LRCH2: variants seen among roughly 807,000 people sequenced by gnomAD.
LRCH2 encodes the protein leucine-rich repeat and calponin homology domain-containing protein 2.
In LRCH2, 38 loss-of-function variants were observed where a neutral mutation model predicts 68.9. That is an observed-to-expected ratio of 0.55 (90% confidence interval 0.43 to 0.72). The LOEUF (loss-of-function observed/expected upper bound fraction) is 0.72. Among genes scored for constraint, LRCH2 ranks in the 30% least tolerant of loss-of-function variants. The pLI is 0.00. For missense variants in LRCH2, 528 were observed against 572.9 expected, an observed-to-expected ratio of 0.92 and a Z score of 0.80; for synonymous variants, 191 against 208.1, an observed-to-expected ratio of 0.92 and a Z score of 0.71.
intron 5 of LRCH2, 54 bp from the exon 6 acceptor site, chrX:115,170,486 T>C: frequency 2.1e-6 from 2 of 951,505 alleles, no homozygotes; most frequent in Non-Finnish European, 2.7e-6. Flanking sequence ...AAATGACATC[T>C]ATCATTTTAA....
chrX:115,113,073 T>A lies in LRCH2; in HGVS notation c.*143A>T, dbSNP rs972837107. ...CGGGCAATTCAATGTTTAAGTTTGA[T>A]GTTTCAATGTAATTTTTTTAAAATC... On this transcript the variant is annotated 3_prime_UTR_variant, in exon 21 of 21. Transcript: ENST00000317135. 2.2e-6 allele frequency: 1 copy of A among 449,154 alleles called. No individual in the cohort carries two copies. Among genetic ancestry groups the A allele is most frequent in the South Asian group, 1.0e-4 (1 of 9,596 alleles). 37.0% of individuals were successfully genotyped at this position (449,154 alleles called of 1,213,427 possible).
intron 11 of LRCH2, among the ~76,000 whole-genome samples, chrX:115,159,427 A>G (rs1414515475): frequency 1.5e-4 from 17 of 110,486 alleles, no homozygotes; most frequent in African/African-American, 5.3e-4. Flanking sequence ...ATATTTTGAC[A>G]GGGGATGATA....
At chrX:115,167,191 TAAAAAAAAAAAA>T (rs58298502) in intron 6 of LRCH2, among the ~76,000 whole-genome samples, 3 of 8,396 alleles carry the variant, frequency 3.6e-4, no homozygotes, top group African/African-American at 4.7e-4. Context: ...AGTTTCATGC[TAAAAAAAAAAAA>T]AAAAAAAAAA....
chrX:115,191,408 G>A, intron 1 of LRCH2: 1 of 1,156,602 alleles, frequency 8.6e-7, no homozygotes, highest in Non-Finnish European at 1.2e-6. Flanking sequence ...GGCCACGACA[G>A]TTCTGGCCAG....
chrX:115,143,461 A>T lies in LRCH2; in HGVS notation c.1695+6366T>A, dbSNP rs1345531120. Among the ~76,000 whole-genome samples, 7 of 111,712 alleles carry T rather than the reference A, an allele frequency of 6.3e-5. No individual in the cohort carries two copies. The East Asian group carries it at 2.0e-3, about 32-fold the overall frequency. On this transcript the variant is annotated intron_variant, in intron 14 of 20. Coordinates refer to ENST00000317135, the MANE Select transcript of LRCH2 (RefSeq NM_020871.4). ...AATCCAAAATGTGAACAGGCCAATAACAAGTAATGAGATCAAATCTGTAAT... is the reference window on the plus strand; with the variant it reads ...AATCCAAAATGTGAACAGGCCAATATCAAGTAATGAGATCAAATCTGTAAT...
chrX:115,177,089 C>T (rs1249116804), intron 5 of LRCH2, among the ~76,000 whole-genome samples: 1 of 87,544 alleles, frequency 1.1e-5, no homozygotes, highest in African/African-American at 4.3e-5. Flanking sequence ...CAGAGTCTCA[C>T]TCTGCTGTCT....
intron 12 of LRCH2, among the ~76,000 whole-genome samples, chrX:115,153,810 A>G (rs985197798): frequency 1.8e-5 from 2 of 111,382 alleles, no homozygotes; most frequent in African/African-American, 6.5e-5. Context: ...AAATAAACAA[A>G]AATTTTTAAA....
At chrX:115,188,141 G>T in intron 2 of LRCH2, 85 bp downstream of exon 2, 3 of 669,226 alleles carry the variant, frequency 4.5e-6, no homozygotes, top group South Asian at 8.6e-5. Flanking sequence ...AAGCTACACA[G>T]CCAAATCAAA....
intron 20 of LRCH2, among the ~76,000 whole-genome samples, chrX:115,116,481 T>C (rs1208447524): frequency 2.7e-5 from 3 of 111,161 alleles, no homozygotes; most frequent in Non-Finnish European, 5.7e-5. Flanking sequence ...GATTTCATTA[T>C]ATGTCATGTC....
chrX:115,176,071 T>G (rs1046903236), intron 5 of LRCH2, among the ~76,000 whole-genome samples: 3 of 112,010 alleles, frequency 2.7e-5, no homozygotes, highest in Non-Finnish European at 3.8e-5. Context: ...AACTGCTTGG[T>G]GGTGGGAAGA....
intron 1 of LRCH2, among the ~76,000 whole-genome samples, chrX:115,225,698 G>T (rs2073114065): frequency 9.0e-6 from 1 of 111,266 alleles, no homozygotes; most frequent in African/African-American, 3.3e-5. Flanking sequence ...CAAAACAAAT[G>T]ATTAGTATAA....
At chrX:115,209,386 T>C (rs1556569264) in intron 1 of LRCH2, among the ~76,000 whole-genome samples, 1 of 111,817 alleles carries the variant, frequency 8.9e-6, no homozygotes. Context: ...TGAATAAGTC[T>C]CACAAGATCT....
At chrX:115,113,430 T>C in intron 20 of LRCH2, 95 bp from the exon 21 acceptor site, 1 of 724,331 alleles carries the variant, frequency 1.4e-6, no homozygotes, top group Non-Finnish European at 1.9e-6. Context: ...TTCTATAAAA[T>C]GTCAAGAAAA....
chrX:115,149,852 T>G lies in LRCH2; in HGVS notation c.1670A>C (p.Lys557Thr), dbSNP rs781906428. Residue 557 changes from lysine (K) to threonine (T), a missense_variant, in exon 14 of 21, where the codon AAA (lysine) becomes ACA (threonine). By Grantham distance (78) the Lys-to-Thr change is moderately conservative (BLOSUM62 -1). Coordinates refer to ENST00000317135, the MANE Select transcript of LRCH2 (RefSeq NM_020871.4). ...CTTGAAATATTCTTTTCTAATCTGTTTGCTCCGCCTCCTTTCTTCACTCTG... is the reference window on the plus strand; with the variant it reads ...CTTGAAATATTCTTTTCTAATCTGTGTGCTCCGCCTCCTTTCTTCACTCTG... ...IWQSEERRRS[K>T]QIRKEYFKYK... The G allele has an allele frequency of 8.4e-7, 1 of 1,194,932 alleles. No individual in the cohort carries two copies. The highest frequency in any genetic ancestry group is 1.8e-5 in the South Asian group (1 of 55,584).
chrX:115,212,233 G>A (rs782172728), intron 1 of LRCH2, among the ~76,000 whole-genome samples: 26 of 111,304 alleles, frequency 2.3e-4, no homozygotes, highest in African/African-American at 3.3e-4. Context: ...TCAGTTCCCC[G>A]TACTCCCCAA....
At chrX:115,179,018 C>A (rs1262175791) in intron 5 of LRCH2, among the ~76,000 whole-genome samples, 2 of 112,156 alleles carry the variant, frequency 1.8e-5, no homozygotes, top group Non-Finnish European at 3.8e-5. Context: ...CCTCACTAAA[C>A]TAAAAGTCAT....
Position 115,233,681 on chromosome X carries a change from C to A in LRCH2, c.349+12G>T, listed in dbSNP as rs368872702. The A allele has an allele frequency of 1.4e-4, 156 of 1,129,455 alleles. No homozygotes were observed. In the Middle Eastern group the frequency reaches 1.6e-3, roughly 11 times the overall value. The allele number at this position is 1,129,455 out of a possible 1,213,427, so 93.1% of individuals were successfully genotyped here. ...CCTTCACAGCCAGCTTCCCCTCCCC[C>A]CGTCCTGTCACCTGCTTGGGTGGTG... On this transcript the variant is annotated intron_variant, in intron 1 of 20. Coordinates refer to ENST00000317135, the MANE Select transcript of LRCH2 (RefSeq NM_020871.4).
At chrX:115,130,329 T>A in intron 14 of LRCH2, 130 bp from the exon 15 acceptor site, 2 of 364,571 alleles carry the variant, frequency 5.5e-6, no homozygotes, top group Admixed American at 1.1e-4. Flanking sequence ...TTTAAGTATA[T>A]AACAGGTGTA....
rs1242636768 is a variant in LRCH2, at chrX:115,166,551, C to A, written c.999-209G>T. Among the ~76,000 whole-genome samples the A allele has an allele frequency of 2.4e-4, 27 of 111,125 alleles. No individual in the cohort carries two copies. The Admixed American group carries it at 2.6e-3, about 11-fold the overall frequency. On this transcript the variant is annotated intron_variant, in intron 6 of 20. Transcript: ENST00000317135. ...TGCAATATTGTTCCCTTCGTGTACT[C>A]TATAGTGTCAATTGTCAACAATAAC...
Sources: allele counts gnomAD v4.1 joint callset (sites outside exome capture counted in the v4.1 genomes callset), GRCh38; gene constraint gnomAD v4.1.1; transcripts MANE v1.5; gene names NCBI Gene and HGNC (gene_info 2026-07-23, HGNC 2026-07-21).